Variants in BANK1 observed in about 807,000 individuals in gnomAD.
BANK1 encodes the protein B cell scaffold protein with ankyrin repeats 1, also known as B-cell scaffold protein with ankyrin repeats.
Under a neutral mutation model 94.5 loss-of-function variants are expected in BANK1, and 95 were observed. That is an observed-to-expected ratio of 1.00 (90% CI 0.85 to 1.19). The LOEUF is 1.19. Ranked by LOEUF, BANK1 falls within the 50% of genes most tolerant of loss-of-function variation. BANK1 has a pLI of 0.00. For missense variants in BANK1, 987 were observed against 932.2 expected (o/e 1.06, Z -0.77); for synonymous variants, 334 against 308.4 (o/e 1.08, Z -0.87).
At chr4:101,924,424 G>A (rs1451767253) in intron 7 of BANK1, among the ~76,000 whole-genome samples, 1 of 151,788 alleles carries the variant, frequency 6.6e-6, no homozygotes, top group Non-Finnish European at 1.5e-5. Context: ...TGCTAGAATA[G>A]CAATCAGTGT....
intron 5 of BANK1, among the ~76,000 whole-genome samples, chr4:101,878,393 C>T (rs748703871): frequency 8.5e-5 from 13 of 152,102 alleles, no homozygotes; most frequent in African/African-American, 1.2e-4. Flanking sequence ...GGATTCAATT[C>T]GGTAACAGTA....
At chr4:101,881,077 A>G (rs545327589) in intron 5 of BANK1, among the ~76,000 whole-genome samples, 1 of 152,184 alleles carries the variant, frequency 6.6e-6, no homozygotes, top group African/African-American at 2.4e-5. Context: ...CAAATATGAT[A>G]ATATTGAGTT....
chr4:101,832,706 A>G (rs182745147), intron 2 of BANK1, among the ~76,000 whole-genome samples: 4 of 152,292 alleles, frequency 2.6e-5, no homozygotes, highest in Admixed American at 2.0e-4. Flanking sequence ...TATCTGCACT[A>G]TATAATTGCT....
chr4:101,936,380 C>T (rs1297710267), intron 7 of BANK1, among the ~76,000 whole-genome samples: 2 of 149,626 alleles, frequency 1.3e-5, no homozygotes, highest in Admixed American at 1.3e-4. Flanking sequence ...TGTGTGCATA[C>T]ATGCATACAT....
chr4:101,959,763 G>A (rs1368042945), intron 7 of BANK1, among the ~76,000 whole-genome samples: 3 of 152,194 alleles, frequency 2.0e-5, no homozygotes, highest in East Asian at 1.9e-4. Context: ...GGCTGGAGGA[G>A]CAGAGATTCA....
chr4:101,925,356 A>G (rs1723121055), intron 7 of BANK1, among the ~76,000 whole-genome samples: 1 of 151,682 alleles, frequency 6.6e-6, no homozygotes, highest in Admixed American at 6.6e-5. Context: ...ACCAAATGCC[A>G]TAGCTGCTAT....
At chr4:101,801,575 T>C (rs1175882809) in intron 1 of BANK1, among the ~76,000 whole-genome samples, 3 of 152,248 alleles carry the variant, frequency 2.0e-5, no homozygotes, top group Middle Eastern at 3.2e-3. Flanking sequence ...AGAACCTCTG[T>C]CTATTCATGC....
rs1166018412 is a variant in BANK1 at position 101,986,899 on chromosome 4, G to GTATATATATATATA, written c.1207-34596_1207-34583dup. Among the ~76,000 whole-genome samples, 548 of 82,634 alleles carry GTATATATATATATA rather than the reference G, an allele frequency of 6.6e-3. 68 individuals are homozygous for GTATATATATATATA. The highest frequency in any genetic ancestry group is 0.031 in the African/African-American group (484 of 15,528). The allele number at this position is 82,634 out of a possible 152,430, so 54.2% of individuals were successfully genotyped here. On this transcript the variant is annotated intron_variant, in intron 7 of 16. Coordinates refer to ENST00000322953, the MANE Select transcript of BANK1 (RefSeq NM_017935.5). ...TGTGTGTGTGTGTGTGTGTGTGTGT[G>GTATATATATATATA]TATATATATATATATATATATATAT...
chr4:101,966,801 T>C (rs548662304), intron 7 of BANK1, among the ~76,000 whole-genome samples: 1 of 152,164 alleles, frequency 6.6e-6, no homozygotes, highest in South Asian at 2.1e-4. Flanking sequence ...CATAGTCAGC[T>C]CAGGAAGCAG....
intron 7 of BANK1, among the ~76,000 whole-genome samples, chr4:101,971,023 G>A (rs998019036): frequency 6.6e-5 from 10 of 152,056 alleles, no homozygotes; most frequent in Non-Finnish European, 1.5e-4. Context: ...TGACCAGGTG[G>A]AATGTTGGGA....
intron 13 of BANK1, 83 bp from the exon 14 acceptor site, chr4:102,071,192 C>A: frequency 1.4e-6 from 2 of 1,454,170 alleles, no homozygotes; most frequent in South Asian, 1.2e-5. Flanking sequence ...AAGAAGTAGT[C>A]CAACAATTAA....
intron 7 of BANK1, among the ~76,000 whole-genome samples, chr4:102,010,497 A>T (rs890159230): frequency 1.1e-4 from 17 of 149,342 alleles, no homozygotes; most frequent in Non-Finnish European, 2.2e-4. Context: ...GGTTCCAGCA[A>T]CTCTCCTGCC....
At chr4:101,941,625 G>A (rs905224035) in intron 7 of BANK1, among the ~76,000 whole-genome samples, 15 of 151,788 alleles carry the variant, frequency 9.9e-5, no homozygotes, top group South Asian at 4.1e-4. Context: ...GACATCATTC[G>A]TCAGAGGTAT....
chr4:101,924,135 A>G (rs944404905), intron 7 of BANK1, among the ~76,000 whole-genome samples: 29 of 151,772 alleles, frequency 1.9e-4, no homozygotes, highest in Non-Finnish European at 3.8e-4. Context: ...AAATTTCCCA[A>G]ATTAATTTTA....
At chr4:101,918,248 T>A in intron 7 of BANK1, 59 bp downstream of exon 7, 3 of 1,222,186 alleles carry the variant, frequency 2.5e-6, no homozygotes, top group Non-Finnish European at 2.2e-6. Flanking sequence ...TAGAAGAGAC[T>A]GTAAGAAGAA....
chr4:101,869,795 A>C (rs1275220525), intron 4 of BANK1, among the ~76,000 whole-genome samples: 1 of 152,000 alleles, frequency 6.6e-6, no homozygotes, highest in Admixed American at 6.6e-5. Context: ...GTATTCTTAC[A>C]CTAAAACACA....
At chr4:101,804,202 GA>G (rs573118170) in intron 1 of BANK1, among the ~76,000 whole-genome samples, 17 of 152,004 alleles carry the variant, frequency 1.1e-4, no homozygotes, top group South Asian at 4.2e-4. Context: ...CATTTAAGAA[GA>G]ATGTAGACAA....
At chr4:101,855,749 A>G (rs186410270) in intron 3 of BANK1, among the ~76,000 whole-genome samples, 358 of 152,324 alleles carry the variant, frequency 2.4e-3, no homozygotes, top group Non-Finnish European at 3.3e-3. Flanking sequence ...TTTTAGGACC[A>G]CACCATATTT....
chr4:101,922,008 C>CTGTG (rs1560634196), intron 7 of BANK1, among the ~76,000 whole-genome samples: 75 of 77,356 alleles, frequency 9.7e-4, no homozygotes, highest in Admixed American at 9.0e-3. Flanking sequence ...GACACTGGGC[C>CTGTG]CGTGTGTGTG....
Sources: gnomAD v4.1 joint callset for allele counts (sites outside exome capture counted in the v4.1 genomes callset) on GRCh38, gnomAD v4.1.1 for gene constraint, MANE v1.5 for transcripts, NCBI Gene and HGNC (gene_info 2026-07-23, HGNC 2026-07-21) for gene names.